LTBP1: variants seen among roughly 807,000 people sequenced by gnomAD.
LTBP1 encodes the protein latent-transforming growth factor beta-binding protein 1.
Under a neutral mutation model 207.6 loss-of-function variants are expected in LTBP1, and 129 were observed. The observed-to-expected ratio is 0.62, with a 90% confidence interval of 0.54 to 0.72. LTBP1 has a LOEUF of 0.72. Among genes scored for constraint, LTBP1 ranks in the 30% least tolerant of loss-of-function variants. LTBP1 has a pLI of 0.00. For missense variants in LTBP1, 2,281 were observed against 2,217.2 expected, an observed-to-expected ratio of 1.03 and a Z score of -0.58; for synonymous variants, 963 against 833.7, an observed-to-expected ratio of 1.16 and a Z score of -2.67.
chr2:33,173,164 G>C (rs375093866), intron 5 of LTBP1, among the ~76,000 whole-genome samples: 24 of 152,136 alleles, frequency 1.6e-4, no homozygotes, highest in South Asian at 4.2e-4. Flanking sequence ...CAGAGCAGAA[G>C]TGAAGGAAAT....
intron 2 of LTBP1, among the ~76,000 whole-genome samples, chr2:32,977,280 G>A (rs1042458436): frequency 1.3e-5 from 2 of 152,194 alleles, no homozygotes; most frequent in African/African-American, 4.8e-5. Flanking sequence ...GGAAGCTCTA[G>A]CAGGCGTGGC....
At position 33,270,231 on chromosome 2, in the gene LTBP1, A is replaced by G. The variant is rs183584780; in HGVS notation, c.2618-3425A>G. On this transcript the variant is annotated intron_variant, in intron 15 of 33. Coordinates refer to ENST00000404816, the MANE Select transcript of LTBP1 (RefSeq NM_206943.4). Reference sequence around the variant, plus strand: ...CACTGCACACAGCCTCTGATGTTCAACTTTTTGATAAGTAGTGAATAGAAA... The same window carrying G: ...CACTGCACACAGCCTCTGATGTTCAGCTTTTTGATAAGTAGTGAATAGAAA... Among the ~76,000 whole-genome samples the G allele has an allele frequency of 7.2e-5, 11 of 151,830 alleles. No individual in the cohort carries two copies. The East Asian group carries it at 2.1e-3, about 30-fold the overall frequency.
chr2:33,263,377 C>T lies in LTBP1; in HGVS notation c.2602C>T (p.Pro868Ser), dbSNP rs1309957368. ...GTCTAGTGCCAGCCAAGTGATTGCT[C>T]CTACTCAAGTGACAGGTTGGTGCAG... Reference protein sequence around the residue: ...STSSASQVIAPTQVTEINECT... With the variant: ...STSSASQVIASTQVTEINECT... Residue 868 changes from proline to serine, a missense_variant, in exon 15 of 34, where the codon CCT becomes TCT. Coordinates refer to ENST00000404816, the MANE Select transcript of LTBP1 (RefSeq NM_206943.4). 1.9e-6 allele frequency: 3 copies of T among 1,613,298 alleles called. No individual in the cohort carries two copies. Among genetic ancestry groups the T allele is most frequent in the Non-Finnish European group, 2.5e-6 (3 of 1,179,534 alleles).
intron 2 of LTBP1, among the ~76,000 whole-genome samples, chr2:32,987,124 A>G (rs757202568): frequency 9.2e-5 from 14 of 152,250 alleles, no homozygotes; most frequent in Non-Finnish European, 1.9e-4. Flanking sequence ...AGCATCAGCT[A>G]TAGCTGGGGA....
chr2:33,385,156 A>C (rs1444588260), intron 31 of LTBP1, among the ~76,000 whole-genome samples: 2 of 152,190 alleles, frequency 1.3e-5, no homozygotes, highest in African/African-American at 4.8e-5. Context: ...CAAGTAATGA[A>C]ATTTACCAAG....
chr2:33,174,894 C>T lies in LTBP1; in HGVS notation c.1202-11962C>T, dbSNP rs1393813630. 5.8e-5 allele frequency among the ~76,000 whole-genome samples: 8 copies of T among 138,490 alleles called. No individual in the cohort carries two copies. In the South Asian group the frequency reaches 6.8e-4, roughly 12 times the overall value. 90.9% of individuals were successfully genotyped at this position (138,490 alleles called of 152,430 possible). A position where few individuals can be genotyped will look rare whatever the true frequency, so the allele number is the denominator to read the frequency against. ...TGATCTTTGACAAACCTGAGAAAAA[C>T]AAGCAATGGGGAAAGGATTCCCTAT... On this transcript the variant is annotated intron_variant, in intron 5 of 33. Transcript: ENST00000404816.
chr2:33,128,248 A>T (rs1340063153), intron 4 of LTBP1, among the ~76,000 whole-genome samples: 1 of 152,232 alleles, frequency 6.6e-6, no homozygotes, highest in Non-Finnish European at 1.5e-5. Context: ...AAAGACAACA[A>T]ATGTGGGGAT....
intron 7 of LTBP1, among the ~76,000 whole-genome samples, chr2:33,205,108 G>A (rs148531938): frequency 6.2e-4 from 95 of 152,252 alleles, no homozygotes; most frequent in Middle Eastern, 3.4e-3. Flanking sequence ...AGGCCATATG[G>A]ACAGATCAAT....
At chr2:33,218,321 A>G (rs1162562212) in intron 8 of LTBP1, among the ~76,000 whole-genome samples, 1 of 152,016 alleles carries the variant, frequency 6.6e-6, no homozygotes, top group Non-Finnish European at 1.5e-5. Flanking sequence ...CCTTTTTAAT[A>G]CTCTATTCCT....
chr2:33,136,251 T>G (rs1572798867), intron 5 of LTBP1, among the ~76,000 whole-genome samples: 1 of 152,244 alleles, frequency 6.6e-6, no homozygotes, highest in Non-Finnish European at 1.5e-5. Context: ...TGGCACATTA[T>G]GCTTTGCAGG....
chr2:32,955,792 G>T (rs1023196948), intron 2 of LTBP1, among the ~76,000 whole-genome samples: 3 of 152,112 alleles, frequency 2.0e-5, no homozygotes, highest in Non-Finnish European at 4.4e-5. Flanking sequence ...TTTACTAATG[G>T]TTTCCTGCTT....
chr2:33,168,754 C>T (rs1259820027), intron 5 of LTBP1, among the ~76,000 whole-genome samples: 1 of 152,050 alleles, frequency 6.6e-6, no homozygotes, highest in Non-Finnish European at 1.5e-5. Context: ...CTAGAAAGAT[C>T]TGAGGCTGAG....
rs935460182 is a variant in LTBP1 at position 33,183,993 on chromosome 2, C to G, written c.1202-2863C>G. ...TCTCTCCTCCCTCCTCCACTTTCTC[C>G]CCTCTTCCTTGGCCTGCTCTTTTCC... On this transcript the variant is annotated intron_variant, in intron 5 of 33. Transcript: ENST00000404816. 3.3e-5 allele frequency among the ~76,000 whole-genome samples: 5 copies of G among 152,212 alleles called. 1 individual carries two copies. The South Asian group carries it at 8.3e-4, about 25-fold the overall frequency.
intron 2 of LTBP1, among the ~76,000 whole-genome samples, chr2:32,960,856 C>T (rs768427162): frequency 3.2e-4 from 49 of 152,194 alleles, no homozygotes; most frequent in African/African-American, 8.7e-4. Flanking sequence ...AGGTCATTAT[C>T]GTTGGGTTGT....
intron 24 of LTBP1, chr2:33,318,019 A>C (rs1366925666): frequency 2.0e-5 from 3 of 152,100 alleles, no homozygotes; most frequent in Non-Finnish European, 4.4e-5. Context: ...ACATTCTAAA[A>C]CTTTATGAGT....
intron 5 of LTBP1, among the ~76,000 whole-genome samples, chr2:33,148,072 T>C (rs994719040): frequency 6.6e-6 from 1 of 152,184 alleles, no homozygotes; most frequent in Non-Finnish European, 1.5e-5. Flanking sequence ...CATTACCAGC[T>C]GCCAATAGTG....
At position 33,060,653 on chromosome 2, in the gene LTBP1, G is replaced by C. The variant is rs183456833; in HGVS notation, c.863+39447G>C. 1.3e-4 allele frequency among the ~76,000 whole-genome samples: 15 copies of C among 115,068 alleles called. No individual in the cohort carries two copies. In the East Asian group the frequency reaches 2.8e-3, roughly 21 times the overall value. The allele number at this position is 115,068 out of a possible 152,430, so 75.5% of individuals were successfully genotyped here. ...TGTACTGAATTTTAAATTCAGATCT[G>C]TGTGTGTGTGTGTGTGTGTGTGTGT... is the stretch of plus-strand genomic sequence containing the variant. On this transcript the variant is annotated intron_variant, in intron 3 of 33. Transcript: ENST00000404816.
intron 3 of LTBP1, among the ~76,000 whole-genome samples, chr2:33,086,253 C>T (rs1297829311): frequency 6.6e-6 from 1 of 152,154 alleles, no homozygotes; most frequent in Non-Finnish European, 1.5e-5. Context: ...ATGGAGGTAC[C>T]AGGTAAGTTC....
At chr2:33,365,269 C>A (rs1051760696) in intron 30 of LTBP1, 64 bp from the exon 31 acceptor site, 1 of 1,434,740 alleles carries the variant, frequency 7.0e-7, no homozygotes, top group Non-Finnish European at 9.7e-7. Context: ...TGCTGGCTTC[C>A]AACACAGTGT....
Sources: allele counts gnomAD v4.1 joint callset (sites outside exome capture counted in the v4.1 genomes callset), GRCh38; gene constraint gnomAD v4.1.1; transcripts MANE v1.5; gene names NCBI Gene and HGNC (gene_info 2026-07-23, HGNC 2026-07-21).